The following ZFHX3 variants were observed in gnomAD, a reference collection of about 807,000 sequenced individuals.
ZFHX3 encodes the protein zinc finger homeobox protein 3.
A neutral mutation model predicts 279.1 loss-of-function variants in ZFHX3; 42 were observed. The ratio of observed to expected loss-of-function variants is 0.15; its 90% confidence interval spans 0.12 to 0.19. The LOEUF is 0.19. Ranked by LOEUF, ZFHX3 falls within the 10% of genes least tolerant of loss-of-function variation. The pLI is 1.00. For missense variants in ZFHX3, 4,981 were observed against 4,754.0 expected (o/e 1.05, Z -1.40); for synonymous variants, 2,293 against 1,957.8 (o/e 1.17, Z -4.52).
At chr16:73,300,759 C>T (rs2015036728) in intron 4 of ZFHX3, among the ~76,000 whole-genome samples, 1 of 152,238 alleles carries the variant, frequency 6.6e-6, no homozygotes, top group African/African-American at 2.4e-5. Flanking sequence ...CCACCTTGGC[C>T]TCCCAAAGTG....
chr16:72,984,975 T>C (rs1376943766), intron 1 of ZFHX3, among the ~76,000 whole-genome samples: 3 of 151,890 alleles, frequency 2.0e-5, no homozygotes, highest in Non-Finnish European at 2.9e-5. Flanking sequence ...TAAAACAAAA[T>C]AGAGCAATTA....
intron 3 of ZFHX3, among the ~76,000 whole-genome samples, chr16:73,374,845 T>C (rs1242932555): frequency 6.6e-6 from 1 of 152,222 alleles, no homozygotes; most frequent in East Asian, 1.9e-4. Context: ...GCTGTCTCCT[T>C]TCTCTCTGGT....
At chr16:73,385,296 A>G (rs1264713194) in intron 3 of ZFHX3, among the ~76,000 whole-genome samples, 1 of 152,176 alleles carries the variant, frequency 6.6e-6, no homozygotes, top group African/African-American at 2.4e-5. Context: ...GATAGGAAAA[A>G]TTACTAAAAC....
chr16:73,350,471 G>A (rs372444022), intron 3 of ZFHX3, among the ~76,000 whole-genome samples: 1 of 152,290 alleles, frequency 6.6e-6, no homozygotes, highest in Non-Finnish European at 1.5e-5. Flanking sequence ...CCGGCCATAC[G>A]TCTTTCCTGG....
chr16:73,297,304 C>G (rs1035912813), intron 4 of ZFHX3, among the ~76,000 whole-genome samples: 2 of 151,974 alleles, frequency 1.3e-5, no homozygotes, highest in Non-Finnish European at 2.9e-5. Context: ...TCAAAGCCCA[C>G]GTGTTTAATA....
At chr16:72,965,751 T>C (rs991200984) in intron 1 of ZFHX3, among the ~76,000 whole-genome samples, 4 of 152,218 alleles carry the variant, frequency 2.6e-5, no homozygotes, top group African/African-American at 9.6e-5. Context: ...ACTTAATGGA[T>C]ATGGAAATAC....
intron 1 of ZFHX3, among the ~76,000 whole-genome samples, chr16:73,703,492 CAA>C (rs559259813): frequency 3.5e-5 from 5 of 142,204 alleles, no homozygotes; most frequent in African/African-American, 1.3e-4. Context: ...AAGAGAAAGC[CAA>C]AAAAAAAAAA....
chr16:73,336,687 C>T (rs943158545), intron 3 of ZFHX3, among the ~76,000 whole-genome samples: 7 of 151,972 alleles, frequency 4.6e-5, no homozygotes, highest in South Asian at 2.1e-4. Flanking sequence ...AATAGTTCCG[C>T]GATGAATATA....
At chr16:73,021,830 CAAAAAAAA>C (rs60811631) in intron 1 of ZFHX3, among the ~76,000 whole-genome samples, 2 of 71,822 alleles carry the variant, frequency 2.8e-5, no homozygotes, top group Admixed American at 1.6e-4. Context: ...GACTCCATCT[CAAAAAAAA>C]AAAAAAAAAA....
intron 1 of ZFHX3, among the ~76,000 whole-genome samples, chr16:73,885,618 G>A (rs9936160): frequency 0.11 from 16,274 of 152,012 alleles, 2,368 homozygotes; most frequent in African/African-American, 0.34. Context: ...TTCAAAAACA[G>A]TAACAAAAAA....
chr16:73,087,359 C>A (rs571823889), intron 8 of ZFHX3, among the ~76,000 whole-genome samples: 50 of 152,262 alleles, frequency 3.3e-4, no homozygotes, highest in African/African-American at 1.1e-3. Flanking sequence ...CCCAGCGGGA[C>A]AACAAGAGGT....
intron 1 of ZFHX3, among the ~76,000 whole-genome samples, chr16:72,964,616 C>T (rs1318209756): frequency 6.7e-6 from 1 of 149,660 alleles, no homozygotes; most frequent in Non-Finnish European, 1.5e-5. Flanking sequence ...CAGTGAGCTA[C>T]GATCGGGCCA....
intron 5 of ZFHX3, among the ~76,000 whole-genome samples, chr16:72,818,008 A>G (rs2266939): frequency 0.045 from 6,869 of 152,290 alleles, 709 homozygotes; most frequent in East Asian, 0.3. Context: ...TCATCGCCTT[A>G]CATTCCGTAA....
intron 3 of ZFHX3, among the ~76,000 whole-genome samples, chr16:72,938,739 G>A (rs1960255578): frequency 6.6e-6 from 1 of 152,216 alleles, no homozygotes; most frequent in African/African-American, 2.4e-5. Context: ...AGCCGAGTAT[G>A]GATTCCGAGT....
chr16:72,973,495 C>T (rs887289193), intron 1 of ZFHX3: 8 of 152,258 alleles, frequency 5.3e-5, no homozygotes, highest in African/African-American at 1.9e-4. Flanking sequence ...ACCCCAGGCC[C>T]TTTGAATAGC....
At chr16:73,013,503 G>T (rs1460680702) in intron 1 of ZFHX3, among the ~76,000 whole-genome samples, 1 of 152,084 alleles carries the variant, frequency 6.6e-6, no homozygotes, top group Admixed American at 6.5e-5. Context: ...GCCCAGGCTG[G>T]TCTCAAACTT....
chr16:72,914,756 T>C (rs538242525), intron 3 of ZFHX3, among the ~76,000 whole-genome samples: 19 of 152,268 alleles, frequency 1.2e-4, no homozygotes, highest in African/African-American at 4.6e-4. Context: ...CTTTGGGGGC[T>C]GAGGCAGGCA....
chr16:73,162,146 C>T (rs1967251862), intron 5 of ZFHX3, among the ~76,000 whole-genome samples: 1 of 152,208 alleles, frequency 6.6e-6, no homozygotes, highest in African/African-American at 2.4e-5. Flanking sequence ...GGAACCAAGC[C>T]ACACAGCAGG....
At chr16:73,151,782 A>C (rs1398492725) in intron 5 of ZFHX3, among the ~76,000 whole-genome samples, 2 of 152,120 alleles carry the variant, frequency 1.3e-5, no homozygotes, top group South Asian at 2.1e-4. Flanking sequence ...ATTCAGGAAG[A>C]ATTCACGTGA....
Sources: gnomAD v4.1 joint callset for allele counts (sites outside exome capture counted in the v4.1 genomes callset) on GRCh38, gnomAD v4.1.1 for gene constraint, MANE v1.5 for transcripts, NCBI Gene and HGNC (gene_info 2026-07-23, HGNC 2026-07-21) for gene names.